LARGE1: variants seen among roughly 807,000 people sequenced by gnomAD.
The protein encoded by LARGE1 is LARGE xylosyl- and glucuronyltransferase 1, also known as xylosyl- and glucuronyltransferase LARGE1.
In LARGE1, 43 loss-of-function variants were observed where a neutral mutation model predicts 87.6. That is an observed-to-expected ratio of 0.49 (90% CI 0.38 to 0.63). LARGE1 has a LOEUF of 0.63. Among genes scored for constraint, LARGE1 ranks in the 30% least tolerant of loss-of-function variants. The pLI is 0.00. For missense variants in LARGE1, 802 were observed against 1,000.2 expected, an observed-to-expected ratio of 0.80 and a Z score of 2.67; for synonymous variants, 434 against 394.6, an observed-to-expected ratio of 1.10 and a Z score of -1.18.
At chr22:33,624,920 T>C (rs1159340164) in intron 4 of LARGE1, among the ~76,000 whole-genome samples, 3 of 152,172 alleles carry the variant, frequency 2.0e-5, no homozygotes, top group African/African-American at 7.2e-5. Context: ...AGAGGGAGAA[T>C]CGCAAAGCAC....
chr22:33,438,932 C>T (rs776199039), intron 6 of LARGE1, among the ~76,000 whole-genome samples: 17 of 152,150 alleles, frequency 1.1e-4, no homozygotes, highest in Admixed American at 2.0e-4. Context: ...GATACAAGGC[C>T]GGGCGCGGTG....
chr22:33,582,130 G>A (rs1326550512), intron 5 of LARGE1, among the ~76,000 whole-genome samples: 1 of 152,150 alleles, frequency 6.6e-6, no homozygotes, highest in Non-Finnish European at 1.5e-5. Context: ...CATGACTTGG[G>A]CACTGGGGTG....
chr22:33,676,251 C>T (rs1387689015), intron 2 of LARGE1, among the ~76,000 whole-genome samples: 2 of 151,706 alleles, frequency 1.3e-5, no homozygotes, highest in Admixed American at 1.3e-4. Flanking sequence ...CAATGAGAAG[C>T]CAGTCAGCAG....
intron 1 of LARGE1, among the ~76,000 whole-genome samples, chr22:33,897,966 T>C (rs1356786578): frequency 6.6e-6 from 1 of 152,194 alleles, no homozygotes; most frequent in Non-Finnish European, 1.5e-5. Context: ...AGCTGTTTTA[T>C]ATTCATCTTT....
the LARGE1 span, among the ~76,000 whole-genome samples, chr22:33,138,394 A>C: frequency 6.6e-6 from 1 of 152,114 alleles, no homozygotes; most frequent in Non-Finnish European, 1.5e-5. Context: ...GCTGATAGGC[A>C]TAAGGGACTT....
At chr22:33,363,935 C>T (rs537128984) in intron 9 of LARGE1, among the ~76,000 whole-genome samples, 1 of 149,696 alleles carries the variant, frequency 6.7e-6, no homozygotes, top group Non-Finnish European at 1.5e-5. Flanking sequence ...ATGGTGAGAC[C>T]CTCTGGGTCC....
intron 1 of LARGE1, among the ~76,000 whole-genome samples, chr22:33,779,300 T>C (rs2145879650): frequency 6.6e-6 from 1 of 152,254 alleles, no homozygotes; most frequent in Non-Finnish European, 1.5e-5. Flanking sequence ...ACTCCTAATA[T>C]TTGTCTATCA....
chr22:33,594,046 G>A (rs1234171179), intron 5 of LARGE1, among the ~76,000 whole-genome samples: 1 of 152,146 alleles, frequency 6.6e-6, no homozygotes, highest in Non-Finnish European at 1.5e-5. Flanking sequence ...ATATTAGGTT[G>A]GCAAATAATC....
At chr22:33,428,525 G>A (rs948083746) in intron 7 of LARGE1, among the ~76,000 whole-genome samples, 2 of 150,876 alleles carry the variant, frequency 1.3e-5, no homozygotes, top group Non-Finnish European at 3.0e-5. Context: ...ATCTTGGCCA[G>A]GCTGGTCTTC....
intron 6 of LARGE1, among the ~76,000 whole-genome samples, chr22:33,454,529 G>A (rs2068055003): frequency 6.6e-6 from 1 of 151,442 alleles, no homozygotes; most frequent in Non-Finnish European, 1.5e-5. Context: ...TAAGGCAGGG[G>A]AATTGCTTGA....
chr22:33,797,362 C>T (rs1487234064), intron 1 of LARGE1, among the ~76,000 whole-genome samples: 1 of 152,148 alleles, frequency 6.6e-6, no homozygotes, highest in African/African-American at 2.4e-5. Flanking sequence ...CTTCCCAAAA[C>T]GATCTAGGGT....
chr22:33,071,241 C>T, the LARGE1 span, among the ~76,000 whole-genome samples: 3 of 152,174 alleles, frequency 2.0e-5, no homozygotes, highest in Non-Finnish European at 4.4e-5. Context: ...CTGGATTCTA[C>T]AGACCCCACT....
At chr22:33,289,852 C>T (rs1297233425) in intron 12 of LARGE1, among the ~76,000 whole-genome samples, 1 of 151,986 alleles carries the variant, frequency 6.6e-6, no homozygotes, top group Non-Finnish European at 1.5e-5. Context: ...ATCTTTTTTC[C>T]CCGAGCCCCT....
intron 6 of LARGE1, among the ~76,000 whole-genome samples, chr22:33,538,289 G>A (rs1316726581): frequency 1.3e-5 from 2 of 152,188 alleles, no homozygotes; most frequent in African/African-American, 4.8e-5. Flanking sequence ...CACAAGCAAT[G>A]GCCATATTAC....
chr22:33,704,026 G>A (rs2149379535), intron 2 of LARGE1, among the ~76,000 whole-genome samples: 1 of 152,290 alleles, frequency 6.6e-6, no homozygotes, highest in South Asian at 2.1e-4. Flanking sequence ...TCAATGTGGA[G>A]CTTCCACTAA....
intron 1 of LARGE1, among the ~76,000 whole-genome samples, chr22:33,872,622 G>A (rs2064330215): frequency 6.6e-6 from 1 of 151,998 alleles, no homozygotes. Context: ...CAGACCAAAC[G>A]CTAAGTGTAG....
At chr22:33,184,866 T>C (rs1054024702) in intron 11 of LARGE1, among the ~76,000 whole-genome samples, 5 of 152,184 alleles carry the variant, frequency 3.3e-5, no homozygotes, top group African/African-American at 1.2e-4. Context: ...GATATCACTA[T>C]ACACCTATTA....
intron 1 of LARGE1, among the ~76,000 whole-genome samples, chr22:33,782,641 C>T (rs1269451645): frequency 6.6e-6 from 1 of 151,798 alleles, no homozygotes; most frequent in African/African-American, 2.4e-5. Flanking sequence ...CCGAGGCGGG[C>T]GCATCACGAG....
intron 11 of LARGE1, among the ~76,000 whole-genome samples, chr22:33,183,371 G>A (rs749049622): frequency 6.6e-6 from 1 of 152,080 alleles, no homozygotes; most frequent in Non-Finnish European, 1.5e-5. Flanking sequence ...CCTATACACT[G>A]TTGCTGGGAA....
Sources: allele counts gnomAD v4.1 joint callset (sites outside exome capture counted in the v4.1 genomes callset), GRCh38; gene constraint gnomAD v4.1.1; transcripts MANE v1.5; gene names NCBI Gene and HGNC (gene_info 2026-07-23, HGNC 2026-07-21).